The following ADK variants were observed in gnomAD, a reference collection of about 807,000 sequenced individuals.
The protein encoded by ADK is adenosine kinase.
Under a neutral mutation model 44.7 loss-of-function variants are expected in ADK, and 24 were observed. That is an observed-to-expected ratio of 0.54 (90% CI 0.39 to 0.76). ADK has a LOEUF of 0.76. ADK is among the 30% of genes least tolerant of loss of function. The pLI is 0.00. For synonymous variants in ADK, 128 were observed against 142.6 expected, an observed-to-expected ratio of 0.90 and a Z score of 0.73; for missense variants, 321 against 425.1, an observed-to-expected ratio of 0.76 and a Z score of 2.15.
chr10:74,198,143 T>C (rs1413101797), intron 1 of ADK, among the ~76,000 whole-genome samples: 1 of 142,800 alleles, frequency 7.0e-6, no homozygotes, highest in Non-Finnish European at 1.5e-5. Flanking sequence ...AAATAACAAG[T>C]TCTAGGAGTT....
chr10:74,453,042 G>A (rs1352765908), intron 6 of ADK, among the ~76,000 whole-genome samples: 1 of 151,850 alleles, frequency 6.6e-6, no homozygotes, highest in Non-Finnish European at 1.5e-5. Flanking sequence ...TTGCTCATTT[G>A]TGCAAACCGT....
chr10:74,513,704 A>C (rs1848443428), intron 6 of ADK, among the ~76,000 whole-genome samples: 1 of 152,148 alleles, frequency 6.6e-6, no homozygotes, highest in Admixed American at 6.5e-5. Context: ...TATCTTTTAA[A>C]TGTGGAACTT....
Position 74,346,168 on chromosome 10 carries a change from A to T in ADK, c.273+31423A>T, listed in dbSNP as rs1216034968. ...CAGCCTCCCAAAGTGCTGGAAGTAC[A>T]AGTATGAGCCACTGCGCCTGGCCAA... On this transcript the variant is annotated intron_variant, in intron 4 of 10. Coordinates refer to ENST00000539909, the MANE Select transcript of ADK (RefSeq NM_006721.4). Among the ~76,000 whole-genome samples, 3 of 152,226 alleles carry T rather than the reference A, an allele frequency of 2.0e-5. No individual in the cohort carries two copies. The East Asian group carries it at 5.8e-4, about 29-fold the overall frequency.
chr10:74,574,084 A>G (rs978226027), intron 7 of ADK, among the ~76,000 whole-genome samples: 6 of 151,384 alleles, frequency 4.0e-5, no homozygotes, highest in Admixed American at 3.9e-4. Flanking sequence ...TGCAGAAATC[A>G]CACGTTTTCT....
chr10:74,235,439 G>A (rs1301596285), intron 3 of ADK, among the ~76,000 whole-genome samples: 1 of 152,090 alleles, frequency 6.6e-6, no homozygotes, highest in Non-Finnish European at 1.5e-5. Context: ...AAGTAGCTGG[G>A]ACTACAGGTA....
chr10:74,601,995 C>T (rs1156616882), intron 9 of ADK, among the ~76,000 whole-genome samples: 5 of 145,622 alleles, frequency 3.4e-5, no homozygotes, highest in Non-Finnish European at 7.4e-5. Flanking sequence ...GTCCTGGCTA[C>T]TTGGGAGGCT....
At chr10:74,489,657 G>A (rs1589163521) in intron 6 of ADK, among the ~76,000 whole-genome samples, 2 of 151,626 alleles carry the variant, frequency 1.3e-5, no homozygotes, top group South Asian at 4.1e-4. Flanking sequence ...TATTGTTCCA[G>A]ATACAAAGCA....
intron 3 of ADK, among the ~76,000 whole-genome samples, chr10:74,248,502 GCA>G (rs761630713): frequency 5.9e-5 from 9 of 152,034 alleles, no homozygotes; most frequent in Non-Finnish European, 1.0e-4. Flanking sequence ...GGGATTACAG[GCA>G]CGTGCCACCA....
intron 1 of ADK, among the ~76,000 whole-genome samples, chr10:74,184,132 G>A (rs1218813245): frequency 6.6e-6 from 1 of 151,814 alleles, no homozygotes; most frequent in African/African-American, 2.4e-5. Flanking sequence ...TGGCAAGGCT[G>A]GTCTTGAACT....
At chr10:74,565,614 C>A (rs1589253113) in intron 7 of ADK, among the ~76,000 whole-genome samples, 3 of 150,876 alleles carry the variant, frequency 2.0e-5, no homozygotes, top group African/African-American at 4.9e-5. Flanking sequence ...GTAATCCCAG[C>A]TACTGGGGAG....
chr10:74,174,106 C>T (rs992844267), intron 1 of ADK, among the ~76,000 whole-genome samples: 11 of 150,726 alleles, frequency 7.3e-5, no homozygotes, highest in Non-Finnish European at 1.0e-4. Flanking sequence ...AGTTCAAGCC[C>T]AGCCTGGCCA....
At chr10:74,666,104 G>T (rs1042304753) in intron 9 of ADK, among the ~76,000 whole-genome samples, 2 of 152,102 alleles carry the variant, frequency 1.3e-5, no homozygotes, top group African/African-American at 2.4e-5. Flanking sequence ...AGATATTGTG[G>T]CAATTGTAGA....
chr10:74,511,109 G>T (rs1848303629), intron 6 of ADK, among the ~76,000 whole-genome samples: 2 of 152,174 alleles, frequency 1.3e-5, no homozygotes, highest in African/African-American at 4.8e-5. Flanking sequence ...ACCATTTATT[G>T]AACAGACTAT....
chr10:74,443,674 A>G (rs1056681037), intron 6 of ADK, among the ~76,000 whole-genome samples: 1 of 152,174 alleles, frequency 6.6e-6, no homozygotes, highest in Admixed American at 6.5e-5. Context: ...TGTATGCTTT[A>G]AATGCAATTT....
At position 74,512,450 on chromosome 10, in the gene ADK, A is replaced by G. The variant is rs188665245; in HGVS notation, c.556-12806A>G. ...TGGAAGACTTTTTGTTATTAAATCA[A>G]TCTTGTTTCTTGTCATTGGTCTGTT... On this transcript the variant is annotated intron_variant, in intron 6 of 10. Coordinates refer to ENST00000539909, the MANE Select transcript of ADK (RefSeq NM_006721.4). Among the ~76,000 whole-genome samples the G allele has an allele frequency of 3.0e-3, 447 of 148,242 alleles. 1 individual carries two copies. Among genetic ancestry groups the G allele is most frequent in the Non-Finnish European group, 5.6e-3 (378 of 67,010 alleles).
At chr10:74,288,424 C>T (rs541387075) in intron 3 of ADK, among the ~76,000 whole-genome samples, 123 of 152,116 alleles carry the variant, frequency 8.1e-4, no homozygotes, top group Middle Eastern at 3.4e-3. Context: ...CTGAGGCAGG[C>T]GGATCAGCTG....
intron 3 of ADK, among the ~76,000 whole-genome samples, chr10:74,311,425 A>G (rs983672727): frequency 5.3e-5 from 8 of 152,210 alleles, no homozygotes; most frequent in Non-Finnish European, 1.5e-5. Flanking sequence ...AGGATTTCTC[A>G]GGCCAAAATT....
At chr10:74,523,440 A>T (rs1440522110) in intron 6 of ADK, among the ~76,000 whole-genome samples, 1 of 150,964 alleles carries the variant, frequency 6.6e-6, no homozygotes, top group Non-Finnish European at 1.5e-5. Context: ...CTCCACCATC[A>T]CTTCTCCTCT....
chr10:74,622,323 C>G (rs573488497), intron 9 of ADK, among the ~76,000 whole-genome samples: 1 of 152,116 alleles, frequency 6.6e-6, no homozygotes, highest in East Asian at 1.9e-4. Flanking sequence ...AGGGAGAAAA[C>G]GACTTTTTGA....
Sources: allele counts gnomAD v4.1 joint callset (sites outside exome capture counted in the v4.1 genomes callset), GRCh38; gene constraint gnomAD v4.1.1; transcripts MANE v1.5; gene names NCBI Gene and HGNC (gene_info 2026-07-23, HGNC 2026-07-21).